Variants in ELF1 observed in about 807,000 individuals in gnomAD.
ELF1 encodes ETS-related transcription factor Elf-1.
Under a neutral mutation model 59.9 loss-of-function variants are expected in ELF1, and 24 were observed. That is an observed-to-expected ratio of 0.40 (90% CI 0.29 to 0.56). The LOEUF is 0.56. ELF1 is among the 20% of genes least tolerant of loss of function. The pLI, the probability that ELF1 is intolerant of heterozygous loss-of-function variation, is 0.44. For missense variants in ELF1, 627 were observed against 742.2 expected (o/e 0.84, Z 1.80); for synonymous variants, 248 against 266.2 (o/e 0.93, Z 0.67).
In ELF1 at chr13:40,993,479, A is replaced by G. The variant is rs1251711308; in HGVS notation, c.-228-11197T>C. The G allele has an allele frequency of 5.3e-6, 3 of 567,534 alleles. No individual in the cohort carries two copies. The East Asian group carries it at 9.1e-5, about 17-fold the overall frequency. The allele number at this position is 567,534 out of a possible 1,614,324, so 35.2% of individuals were successfully genotyped here. On this transcript the variant is annotated intron_variant, in intron 1 of 8. Coordinates refer to ENST00000239882, the MANE Select transcript of ELF1 (RefSeq NM_172373.4). ...AACTTAAGCACCCAGCGGGCGAGGAACTAGTTTTTATTTATTTTTTAGAGA... is the reference window on the plus strand; with the variant it reads ...AACTTAAGCACCCAGCGGGCGAGGAGCTAGTTTTTATTTATTTTTTAGAGA...
chr13:41,054,453 C>A (rs1262469920), intron 1 of ELF1, among the ~76,000 whole-genome samples: 1 of 152,142 alleles, frequency 6.6e-6, no homozygotes, highest in Admixed American at 6.5e-5. Flanking sequence ...AGTCAATGCA[C>A]AATTTCAGAG....
intron 1 of ELF1, among the ~76,000 whole-genome samples, chr13:41,057,164 T>A (rs1877317192): frequency 6.6e-6 from 1 of 151,708 alleles, no homozygotes; most frequent in Non-Finnish European, 1.5e-5. Context: ...TTTTTTTTTT[T>A]TTTTTAAGAG....
intron 2 of ELF1, among the ~76,000 whole-genome samples, chr13:40,960,798 T>C (rs1352825663): frequency 4.6e-5 from 7 of 152,210 alleles, no homozygotes; most frequent in African/African-American, 2.4e-5. Context: ...AAGTTACTAA[T>C]ATGTATCTTG....
chr13:40,990,996 G>T (rs551486896), intron 1 of ELF1, among the ~76,000 whole-genome samples: 103 of 152,224 alleles, frequency 6.8e-4, no homozygotes, highest in African/African-American at 2.2e-3. Context: ...CCTGATGATG[G>T]CATATACCTT....
chr13:40,952,131 G>A (rs1288669969), intron 3 of ELF1, among the ~76,000 whole-genome samples: 2 of 152,062 alleles, frequency 1.3e-5, no homozygotes, highest in Admixed American at 1.3e-4. Context: ...AAGAACTCAG[G>A]CTGTTTATTC....
At position 40,982,221 on chromosome 13, in the gene ELF1, T is replaced by C. The variant is rs1873315769; in HGVS notation, c.-167A>G. ...AAGGTGCTTCAGTTTTCCTGGTTCA[T>C]TGATATTCTAGTCAAATTGAGACAA... On this transcript the variant is annotated 5_prime_UTR_variant, in exon 2 of 9. The change abolishes an upstream ATG in the 5' untranslated region. Coordinates refer to ENST00000239882, the MANE Select transcript of ELF1 (RefSeq NM_172373.4). 1.5e-6 allele frequency: 2 copies of C among 1,302,004 alleles called. No homozygotes were observed. The highest frequency in any genetic ancestry group is 1.5e-5 in the African/African-American group (1 of 65,388). 80.7% of individuals were successfully genotyped at this position (1,302,004 alleles called of 1,614,324 possible).
At chr13:41,037,948 C>G (rs1411563286) in intron 1 of ELF1, among the ~76,000 whole-genome samples, 1 of 151,744 alleles carries the variant, frequency 6.6e-6, no homozygotes, top group Non-Finnish European at 1.5e-5. Flanking sequence ...CCAGAGTTTA[C>G]CAACCTCTCT....
intron 1 of ELF1, among the ~76,000 whole-genome samples, chr13:40,994,931 G>A (rs1052881807): frequency 1.3e-5 from 2 of 152,126 alleles, no homozygotes; most frequent in Non-Finnish European, 2.9e-5. Flanking sequence ...ATTAGTAACT[G>A]TTTCATGCTG....
At chr13:40,934,951 C>T (rs1352097242) in intron 8 of ELF1, among the ~76,000 whole-genome samples, 2 of 152,148 alleles carry the variant, frequency 1.3e-5, no homozygotes, top group African/African-American at 4.8e-5. Context: ...ATTAACCTGT[C>T]AGGGCTCTTG....
At position 40,932,574 on chromosome 13, in the gene ELF1, C is replaced by A. The variant is rs903546733; in HGVS notation, c.*851G>T. ...TATTTAGGAAGAATTTATGGCAGAT[C>A]TTACCCATAACAGATGAATAAATTT... is the stretch of plus-strand genomic sequence containing the variant. On this transcript the variant is annotated 3_prime_UTR_variant, in exon 9 of 9. Transcript: ENST00000239882. 1 of 152,146 alleles carries A rather than the reference C, an allele frequency of 6.6e-6. No homozygotes were observed. Among genetic ancestry groups the A allele is most frequent in the Non-Finnish European group, 1.5e-5 (1 of 68,040 alleles). 9.4% of individuals were successfully genotyped at this position (152,146 alleles called of 1,614,324 possible).
chr13:40,967,828 C>T (rs184039941), intron 2 of ELF1, among the ~76,000 whole-genome samples: 3 of 152,002 alleles, frequency 2.0e-5, no homozygotes, highest in East Asian at 3.9e-4. Flanking sequence ...TAGGCTCAAG[C>T]AATCCTCTCC....
Position 40,932,066 on chromosome 13 carries a change from T to TA in ELF1, c.*1358dup, listed in dbSNP as rs1416831341. On this transcript the variant is annotated 3_prime_UTR_variant, in exon 9 of 9. Transcript: ENST00000239882. The stretch of plus-strand genomic sequence containing the variant: ...ATGATTTATTTAATAATAAACCAAT[T>TA]AAAGATACAAAAATGTTTAGAGGAT... 1 of 152,212 alleles carries TA rather than the reference T, an allele frequency of 6.6e-6. No homozygotes were observed. Among genetic ancestry groups the TA allele is most frequent in the Non-Finnish European group, 1.5e-5 (1 of 68,040 alleles). 9.4% of individuals were successfully genotyped at this position (152,212 alleles called of 1,614,324 possible). A position where few individuals can be genotyped will look rare whatever the true frequency, so the allele number is the denominator to read the frequency against.
chr13:41,002,146 C>T (rs933594173), intron 1 of ELF1, among the ~76,000 whole-genome samples: 4 of 152,092 alleles, frequency 2.6e-5, no homozygotes, highest in African/African-American at 9.7e-5. Context: ...CAAAAGGAGG[C>T]TGTTCCAGGT....
chr13:40,934,204 C>T (rs925338575), intron 8 of ELF1, among the ~76,000 whole-genome samples, 176 bp from the exon 9 acceptor site: 5 of 152,142 alleles, frequency 3.3e-5, no homozygotes, highest in Non-Finnish European at 7.4e-5. Flanking sequence ...ACACTACATA[C>T]AGAGATGCCT....
At chr13:41,042,412 A>G (rs1425040089) in intron 1 of ELF1, among the ~76,000 whole-genome samples, 1 of 150,996 alleles carries the variant, frequency 6.6e-6, no homozygotes, top group Non-Finnish European at 1.5e-5. Flanking sequence ...GCATCCATTA[A>G]CTCGTCATTT....
At chr13:41,011,192 A>G (rs758424605) in intron 1 of ELF1, among the ~76,000 whole-genome samples, 1 of 152,202 alleles carries the variant, frequency 6.6e-6, no homozygotes, top group East Asian at 1.9e-4. Flanking sequence ...TTAATACTAT[A>G]CTAATTATTT....
At position 41,035,300 on chromosome 13, in the gene ELF1, T is replaced by A. The variant is rs555073596; in HGVS notation, c.-229+25538A>T. Among the ~76,000 whole-genome samples the A allele has an allele frequency of 2.0e-5, 3 of 152,350 alleles. No individual in the cohort carries two copies. The South Asian group carries it at 6.2e-4, about 32-fold the overall frequency. ...ATCATTTGTTTACACGCCTCATTGG[T>A]CATTTATTTCAGCATGATAGCATGC... On this transcript the variant is annotated intron_variant, in intron 1 of 1. Transcript: ENST00000405737.
At chr13:40,965,714 T>C (rs1287333822) in intron 2 of ELF1, among the ~76,000 whole-genome samples, 1 of 152,192 alleles carries the variant, frequency 6.6e-6, no homozygotes, top group Admixed American at 6.5e-5. Flanking sequence ...CTTTAAAAAA[T>C]GACCTTCCAA....
At chr13:41,053,956 G>T (rs920323011) in intron 1 of ELF1, among the ~76,000 whole-genome samples, 12 of 152,048 alleles carry the variant, frequency 7.9e-5, no homozygotes, top group African/African-American at 2.7e-4. Context: ...AGGCAAGAAG[G>T]CCACTTTCAC....
Sources: gnomAD v4.1 joint callset for allele counts (sites outside exome capture counted in the v4.1 genomes callset) on GRCh38, gnomAD v4.1.1 for gene constraint, MANE v1.5 for transcripts, NCBI Gene and HGNC (gene_info 2026-07-23, HGNC 2026-07-21) for gene names.